The following ZFAND3 variants were observed in gnomAD, a reference collection of about 807,000 sequenced individuals.
ZFAND3 encodes the protein zinc finger AN1-type containing 3.
ZFAND3 carries 10 observed loss-of-function variants against 29.6 expected under a neutral mutation model. That is an observed-to-expected ratio of 0.34 (90% CI 0.21 to 0.57). ZFAND3 has a LOEUF of 0.57. ZFAND3 is among the 20% of genes least tolerant of loss of function. ZFAND3 has a pLI of 0.86. For missense variants in ZFAND3, 230 were observed against 304.5 expected, an observed-to-expected ratio of 0.76 and a Z score of 1.82; for synonymous variants, 128 against 112.6, an observed-to-expected ratio of 1.14 and a Z score of -0.87.
At chr6:38,144,612 C>T (rs1002718644) in intron 5 of ZFAND3, among the ~76,000 whole-genome samples, 8 of 152,212 alleles carry the variant, frequency 5.3e-5, no homozygotes, top group Admixed American at 1.3e-4. Context: ...GTACCACATC[C>T]CCAAGGCTCA....
intron 1 of ZFAND3, among the ~76,000 whole-genome samples, chr6:37,879,730 C>CCTGT (rs1321740861): frequency 6.6e-6 from 1 of 152,154 alleles, no homozygotes; most frequent in Admixed American, 6.5e-5. Context: ...TATTATCCTG[C>CCTGT]CTGTTATAGA....
intron 2 of ZFAND3, among the ~76,000 whole-genome samples, chr6:38,044,160 A>G (rs1185432483): frequency 6.6e-6 from 1 of 152,214 alleles, no homozygotes; most frequent in Non-Finnish European, 1.5e-5. Flanking sequence ...GTTCTTCTGA[A>G]TACAGTCACT....
intron 2 of ZFAND3, among the ~76,000 whole-genome samples, chr6:38,034,876 G>A (rs1763628857): frequency 6.6e-6 from 1 of 152,028 alleles, no homozygotes; most frequent in Non-Finnish European, 1.5e-5. Flanking sequence ...TTCCCAAAAA[G>A]GGTTTTATTT....
At chr6:38,036,385 AGGG>A (rs1763657089) in intron 2 of ZFAND3, among the ~76,000 whole-genome samples, 1 of 152,208 alleles carries the variant, frequency 6.6e-6, no homozygotes, top group Non-Finnish European at 1.5e-5. Context: ...ACACCAGAAC[AGGG>A]ATAGGATAGG....
intron 2 of ZFAND3, among the ~76,000 whole-genome samples, chr6:38,016,822 A>G (rs1763259670): frequency 6.6e-6 from 1 of 152,190 alleles, no homozygotes; most frequent in Non-Finnish European, 1.5e-5. Flanking sequence ...ATATATTTTA[A>G]TTGACCTTTG....
intron 1 of ZFAND3, among the ~76,000 whole-genome samples, chr6:37,840,138 C>T (rs1332213331): frequency 6.6e-6 from 1 of 151,002 alleles, no homozygotes; most frequent in Non-Finnish European, 1.5e-5. Context: ...GCTCTTGTTG[C>T]CCAAGCTGGA....
chr6:37,978,927 C>T (rs552034697), intron 2 of ZFAND3, among the ~76,000 whole-genome samples: 1 of 151,326 alleles, frequency 6.6e-6, no homozygotes, highest in Non-Finnish European at 1.5e-5. Context: ...GTGAAGACAC[C>T]TCTCATTTCT....
intron 1 of ZFAND3, among the ~76,000 whole-genome samples, chr6:37,832,762 G>A (rs1763887757): frequency 6.6e-6 from 1 of 152,006 alleles, no homozygotes; most frequent in Non-Finnish European, 1.5e-5. Context: ...CTGTAGCCTC[G>A]AACTCCTGGG....
intron 1 of ZFAND3, among the ~76,000 whole-genome samples, chr6:37,873,913 A>G (rs1421407518): frequency 3.9e-5 from 6 of 152,188 alleles, no homozygotes; most frequent in Non-Finnish European, 7.3e-5. Context: ...ATTTCGTATA[A>G]TTTTCACGTC....
chr6:37,902,823 C>T (rs1247582007), intron 1 of ZFAND3, among the ~76,000 whole-genome samples: 3 of 143,552 alleles, frequency 2.1e-5, no homozygotes, highest in South Asian at 2.2e-4. Flanking sequence ...AGGTGATTCT[C>T]CTGCTTCGGC....
At chr6:38,131,815 G>A (rs1765747925) in intron 5 of ZFAND3, among the ~76,000 whole-genome samples, 1 of 152,212 alleles carries the variant, frequency 6.6e-6, no homozygotes, top group Non-Finnish European at 1.5e-5. Flanking sequence ...TCCAAGAAAT[G>A]TGGTGTCCTC....
intron 2 of ZFAND3, among the ~76,000 whole-genome samples, chr6:37,971,912 A>G (rs915758003): frequency 6.6e-6 from 1 of 151,126 alleles, no homozygotes; most frequent in African/African-American, 2.4e-5. Context: ...AAGTGGGAGG[A>G]TTGCTTGAGC....
At chr6:37,943,101 G>A (rs532408177) in intron 2 of ZFAND3, among the ~76,000 whole-genome samples, 1 of 152,136 alleles carries the variant, frequency 6.6e-6, no homozygotes, top group East Asian at 1.9e-4. Context: ...TGAAAAAAAA[G>A]GTTTCTAGAA....
chr6:37,855,314 CT>C (rs970061636), intron 1 of ZFAND3, among the ~76,000 whole-genome samples: 498 of 134,294 alleles, frequency 3.7e-3, no homozygotes, highest in Admixed American at 3.4e-3. Flanking sequence ...CTGGCTAACT[CT>C]TTTTTTTTTT....
At chr6:38,115,083 C>T (rs970945266) in intron 4 of ZFAND3, among the ~76,000 whole-genome samples, 1 of 151,716 alleles carries the variant, frequency 6.6e-6, no homozygotes, top group Non-Finnish European at 1.5e-5. Context: ...GAAAATGTGA[C>T]GTTGGAGCAA....
At chr6:37,914,163 A>T (rs1166734548) in intron 1 of ZFAND3, among the ~76,000 whole-genome samples, 1 of 152,052 alleles carries the variant, frequency 6.6e-6, no homozygotes, top group Non-Finnish European at 1.5e-5. Flanking sequence ...CTCCATCAGA[A>T]CTCTTGGGTG....
intron 2 of ZFAND3, among the ~76,000 whole-genome samples, chr6:37,954,885 TGA>T (rs1433481987): frequency 6.6e-5 from 10 of 152,228 alleles, no homozygotes; most frequent in Admixed American, 2.0e-4. Context: ...TCCCATGAAT[TGA>T]GAGTTTCAAC....
intron 1 of ZFAND3, among the ~76,000 whole-genome samples, chr6:37,928,921 T>C (rs554767915): frequency 6.6e-6 from 1 of 152,316 alleles, no homozygotes; most frequent in Non-Finnish European, 1.5e-5. Flanking sequence ...GGAGATAGCT[T>C]ACACCCAAGG....
intron 1 of ZFAND3, among the ~76,000 whole-genome samples, chr6:37,923,840 T>C (rs1172363884): frequency 6.6e-6 from 1 of 152,190 alleles, no homozygotes; most frequent in Non-Finnish European, 1.5e-5. Flanking sequence ...ATATATGGTA[T>C]GAAGCATAAT....
Sources: allele counts gnomAD v4.1 joint callset (sites outside exome capture counted in the v4.1 genomes callset), GRCh38; gene constraint gnomAD v4.1.1; transcripts MANE v1.5; gene names NCBI Gene and HGNC (gene_info 2026-07-23, HGNC 2026-07-21).